The following KCTD20 variants were observed in gnomAD, a reference collection of about 807,000 sequenced individuals.
The protein encoded by KCTD20 is potassium channel tetramerization domain containing 20.
In KCTD20, 30 loss-of-function variants were observed where a neutral mutation model predicts 39.6. The observed-to-expected ratio is 0.76, with a 90% CI of 0.57 to 1.03. The LOEUF (loss-of-function observed/expected upper bound fraction) is 1.03, where lower values mean the gene tolerates loss of function less well. KCTD20 is among the 50% of genes least tolerant of loss of function. The pLI, the probability that KCTD20 is intolerant of heterozygous loss-of-function variation, is 0.00. For missense variants in KCTD20, 422 were observed against 522.0 expected (o/e 0.81, Z 1.87); for synonymous variants, 162 against 180.6 (o/e 0.90, Z 0.83).
chr6:36,453,429 T>C (rs1775328246), intron 1 of KCTD20, among the ~76,000 whole-genome samples: 1 of 152,160 alleles, frequency 6.6e-6, no homozygotes, highest in South Asian at 2.1e-4. Context: ...CCTTATATAT[T>C]CTTTAGGATT....
At chr6:36,462,575 C>A (rs1246305384) in intron 1 of KCTD20, among the ~76,000 whole-genome samples, 1 of 152,204 alleles carries the variant, frequency 6.6e-6, no homozygotes, top group Non-Finnish European at 1.5e-5. Flanking sequence ...GATGTTTTAA[C>A]AAGTTCCTCT....
chr6:36,469,916 C>A lies in KCTD20; in HGVS notation c.-46-136C>A. 2.2e-6 allele frequency: 1 copy of A among 449,638 alleles called. No homozygotes were observed. Among genetic ancestry groups the A allele is most frequent in the African/African-American group, 2.0e-5 (1 of 50,068 alleles). 27.9% of individuals were successfully genotyped at this position (449,638 alleles called of 1,614,324 possible). ...CTGATTCCTATCGATATAAAAATCA[C>A]AAAAATGTTTAAGATGCCTATTTCT... On this transcript the variant is annotated intron_variant, in intron 1 of 7. Transcript: ENST00000373731. This position sits in a 1 kb window ranked among gnomAD's most constrained non-coding sequence, Gnocchi z 4.6.
At chr6:36,454,347 CT>C (rs11398517) in intron 1 of KCTD20, among the ~76,000 whole-genome samples, 22 of 146,480 alleles carry the variant, frequency 1.5e-4, no homozygotes, top group Admixed American at 2.0e-4. Flanking sequence ...CTTTATGGCT[CT>C]TTTTTTTTTT....
intron 1 of KCTD20, among the ~76,000 whole-genome samples, chr6:36,463,626 A>G (rs1775662167): frequency 6.6e-6 from 1 of 152,166 alleles, no homozygotes; most frequent in South Asian, 2.1e-4. Flanking sequence ...GCCTTATAAA[A>G]GGGAATTGAA....
intron 1 of KCTD20, among the ~76,000 whole-genome samples, chr6:36,467,323 T>C (rs1775786742): frequency 2.0e-3 from 4 of 2,050 alleles, no homozygotes; most frequent in Non-Finnish European, 7.4e-3. Context: ...TCAGGATTTT[T>C]TTTTTTTTTT....
rs374263931 is a variant in KCTD20 at position 36,480,723 on chromosome 6, T to C, written c.659-839T>C. 2.4e-3 allele frequency among the ~76,000 whole-genome samples: 358 copies of C among 152,214 alleles called. 1 individual carries two copies. The highest frequency in any genetic ancestry group is 7.6e-3 in the African/African-American group (316 of 41,544). ...ACGTGCCACCATGCCCGGCTAATTTTTGTATTTTTAGTAGAGATAGGGTTT... is the reference window on the plus strand; with the variant it reads ...ACGTGCCACCATGCCCGGCTAATTTCTGTATTTTTAGTAGAGATAGGGTTT... On this transcript the variant is annotated intron_variant, in intron 5 of 7. Transcript: ENST00000373731.
chr6:36,464,061 G>GA (rs1482531407), intron 1 of KCTD20, among the ~76,000 whole-genome samples: 2 of 152,056 alleles, frequency 1.3e-5, no homozygotes, highest in African/African-American at 4.8e-5. Flanking sequence ...AACATATAGA[G>GA]AAAAAATACA....
chr6:36,455,602 TG>T (rs1324715307), intron 1 of KCTD20, among the ~76,000 whole-genome samples: 6 of 152,086 alleles, frequency 3.9e-5, no homozygotes, highest in African/African-American at 1.2e-4. Context: ...GTAGTGTGTG[TG>T]TGTGTGTGTG....
chr6:36,467,783 G>A (rs1212335523), intron 1 of KCTD20, among the ~76,000 whole-genome samples: 1 of 152,032 alleles, frequency 6.6e-6, no homozygotes, highest in African/African-American at 2.4e-5. Flanking sequence ...ATATTGATAG[G>A]GAGGAGAGTA....
chr6:36,489,179 CATG>C lies in KCTD20; in HGVS notation c.*2007_*2009del, dbSNP rs1452706533. On this transcript the variant is annotated 3_prime_UTR_variant, in exon 8 of 8. Transcript: ENST00000373731. The stretch of plus-strand genomic sequence containing the variant: ...TGAATTACCTAGTGTTTGTATATTC[CATG>C]ATAACTATGTATAACTTCTGTTACA... 1.3e-5 allele frequency: 2 copies of C among 152,616 alleles called. No individual in the cohort carries two copies. The highest frequency in any genetic ancestry group is 2.4e-5 in the African/African-American group (1 of 41,438). 9.5% of individuals were successfully genotyped at this position (152,616 alleles called of 1,614,324 possible).
intron 3 of KCTD20, among the ~76,000 whole-genome samples, chr6:36,478,044 G>A (rs928191101): frequency 1.4e-5 from 2 of 146,074 alleles, no homozygotes; most frequent in African/African-American, 2.6e-5. Flanking sequence ...GCAGTGAGCC[G>A]AGATCGCGCC....
chr6:36,481,661 AAGG>A lies in KCTD20; in HGVS notation c.761_763del (p.Gly254del). On this transcript the variant is annotated inframe_deletion, in exon 6 of 8. Coordinates refer to ENST00000373731, the MANE Select transcript of KCTD20 (RefSeq NM_173562.5). ...CCCATCATGGTGGGCTGTGCCAAGAAAGGAGAACGAGAGTGCCACATTGTTGTG... is the reference window on the plus strand; with the variant it reads ...CCCATCATGGTGGGCTGTGCCAAGAAAGAACGAGAGTGCCACATTGTTGTG... The A allele has an allele frequency of 6.2e-7, 1 of 1,614,188 alleles. No individual in the cohort carries two copies. Among genetic ancestry groups the A allele is most frequent in the Non-Finnish European group, 8.5e-7 (1 of 1,180,026 alleles).
At chr6:36,471,801 A>G (rs1775916785) in intron 2 of KCTD20, among the ~76,000 whole-genome samples, 1 of 151,864 alleles carries the variant, frequency 6.6e-6, no homozygotes, top group African/African-American at 2.4e-5. Flanking sequence ...ATTATTGGGG[A>G]GAAATCAAGC....
chr6:36,487,465 G>A lies in KCTD20; in HGVS notation c.*290G>A. On this transcript the variant is annotated 3_prime_UTR_variant, in exon 8 of 8. Transcript: ENST00000373731. ...TTGTGTAACTGCAAAAGCAGGAAAGGAAGTCAAGACTCCTGTTGCCTCGTG... is the reference window on the plus strand; with the variant it reads ...TTGTGTAACTGCAAAAGCAGGAAAGAAAGTCAAGACTCCTGTTGCCTCGTG... The A allele has an allele frequency of 2.6e-6, 1 of 387,146 alleles. No individual in the cohort carries two copies. The highest frequency in any genetic ancestry group is 4.7e-6 in the Non-Finnish European group (1 of 214,196). The allele number at this position is 387,146 out of a possible 1,614,324, so 24.0% of individuals were successfully genotyped here.
chr6:36,477,745 A>G (rs1172687345), intron 3 of KCTD20, among the ~76,000 whole-genome samples: 2 of 149,070 alleles, frequency 1.3e-5, no homozygotes, highest in South Asian at 2.1e-4. Context: ...TCGGCTCCCA[A>G]AGTGCTGGGA....
rs2146333 is a variant in KCTD20, at chr6:36,489,241, C to A, written c.*2066C>A. 0.27 allele frequency: 41,309 copies of A among 152,452 alleles called. 6,369 individuals carry two copies. Among genetic ancestry groups the A allele is most frequent in the African/African-American group, 0.42 (17,298 of 41,424 alleles). 9.4% of individuals were successfully genotyped at this position (152,452 alleles called of 1,614,324 possible). A position where few individuals can be genotyped will look rare whatever the true frequency, so the allele number is the denominator to read the frequency against. ...GTATTGTTAACATTTAAGTGTAAACCATGCCACAGCTAACACTTAAAAATG... is the reference window on the plus strand; with the variant it reads ...GTATTGTTAACATTTAAGTGTAAACAATGCCACAGCTAACACTTAAAAATG... On this transcript the variant is annotated 3_prime_UTR_variant, in exon 8 of 8. Coordinates refer to ENST00000373731, the MANE Select transcript of KCTD20 (RefSeq NM_173562.5).
At chr6:36,462,450 C>T (rs948061723) in intron 1 of KCTD20, among the ~76,000 whole-genome samples, 3 of 152,110 alleles carry the variant, frequency 2.0e-5, no homozygotes, top group African/African-American at 7.2e-5. Flanking sequence ...AACAGTAGTT[C>T]CCAAACATCG....
intron 1 of KCTD20, among the ~76,000 whole-genome samples, chr6:36,448,085 T>C (rs552166640): frequency 6.6e-6 from 1 of 150,456 alleles, no homozygotes; most frequent in Non-Finnish European, 1.5e-5. Context: ...AAGCTTTATC[T>C]CTGCCCTTAC....
At chr6:36,449,991 C>T (rs953469668) in intron 1 of KCTD20, among the ~76,000 whole-genome samples, 4 of 151,816 alleles carry the variant, frequency 2.6e-5, no homozygotes, top group East Asian at 1.9e-4. Context: ...GGTGAAACTC[C>T]GTCTGTACTA....
Sources: gnomAD v4.1 joint callset for allele counts (sites outside exome capture counted in the v4.1 genomes callset) on GRCh38, gnomAD v4.1.1 for gene constraint, Gnocchi (gnomAD v3.1) non-coding constraint, MANE v1.5 for transcripts, NCBI Gene and HGNC (gene_info 2026-07-23, HGNC 2026-07-21) for gene names.